The following ACAD11 variants were observed in gnomAD, a reference collection of about 807,000 sequenced individuals.
ACAD11 encodes the protein acyl-Coenzyme A dehydrogenase family, member 11.
A neutral mutation model predicts 102.2 loss-of-function variants in ACAD11; 83 were observed. The observed-to-expected ratio is 0.81, with a 90% CI of 0.68 to 0.97. ACAD11 has a LOEUF of 0.97. Ranked by LOEUF, ACAD11 falls within the 50% of genes least tolerant of loss-of-function variation. The probability of loss-of-function intolerance (pLI) is 0.00; values close to 1 mark genes in which losing one functional copy is unlikely to be tolerated. For missense variants in ACAD11, 901 were observed against 951.7 expected (o/e 0.95, Z 0.70); for synonymous variants, 324 against 319.8 (o/e 1.01, Z -0.14).
At chr3:132,639,377 C>T in intron 5 of ACAD11, 115 bp downstream of exon 5, 1 of 1,004,756 alleles carries the variant, frequency 1.0e-6, no homozygotes, top group Non-Finnish European at 1.4e-6. Context: ...CAGTCCTGAG[C>T]TGTAGGGGAA....
chr3:132,584,607 G>T (rs1035661751), intron 13 of ACAD11, among the ~76,000 whole-genome samples: 1 of 152,164 alleles, frequency 6.6e-6, no homozygotes, highest in Non-Finnish European at 1.5e-5. Flanking sequence ...TCATTATGAT[G>T]TTAGCTGGTT....
At chr3:132,579,582 A>C (rs1485502137) in intron 13 of ACAD11, 24 bp from the exon 14 acceptor site, 1 of 1,600,758 alleles carries the variant, frequency 6.2e-7, no homozygotes, top group South Asian at 1.1e-5. Flanking sequence ...GAACACAAGC[A>C]GATTATAAAA....
At chr3:132,620,340 T>G (rs897853400) in intron 9 of ACAD11, 1 of 152,200 alleles carries the variant, frequency 6.6e-6, no homozygotes, top group African/African-American at 2.4e-5. Context: ...AGCCAAAATT[T>G]AAGTTTACAG....
At chr3:132,620,921 T>G (rs1454667411) in intron 9 of ACAD11, among the ~76,000 whole-genome samples, 1 of 152,170 alleles carries the variant, frequency 6.6e-6, no homozygotes, top group Non-Finnish European at 1.5e-5. Context: ...CTGTGGATGT[T>G]GAAAAATAGA....
intron 8 of ACAD11, 113 bp from the exon 9 acceptor site, chr3:132,626,930 A>G (rs2107859640): frequency 3.0e-6 from 3 of 984,256 alleles, no homozygotes; most frequent in Non-Finnish European, 4.3e-6. Flanking sequence ...ATCCCCCAGA[A>G]GGAGTAGCTG....
In ACAD11 at chr3:132,642,591, C is replaced by A. The variant is rs1221392972; in HGVS notation, c.375+86G>T. 1.1e-5 allele frequency: 15 copies of A among 1,319,636 alleles called. No individual in the cohort carries two copies. The South Asian group carries it at 1.9e-4, about 17-fold the overall frequency. 81.7% of individuals were successfully genotyped at this position (1,319,636 alleles called of 1,614,324 possible). ...TAAAATGTTAAATAACAAACTATAT[C>A]ATTTATTAAGTATCATAATAAAACA... On this transcript the variant is annotated intron_variant, in intron 3 of 19. Transcript: ENST00000264990.
At chr3:132,645,262 G>T (rs1258148865) in intron 1 of ACAD11, among the ~76,000 whole-genome samples, 1 of 152,220 alleles carries the variant, frequency 6.6e-6, no homozygotes, top group East Asian at 1.9e-4. Flanking sequence ...TTATCAGTCA[G>T]AAAATGAATT....
intron 13 of ACAD11, among the ~76,000 whole-genome samples, chr3:132,594,052 G>C (rs1938196354): frequency 6.6e-6 from 1 of 152,136 alleles, no homozygotes; most frequent in African/African-American, 2.4e-5. Flanking sequence ...TACAGGAAAA[G>C]GCCAGCCAGT....
chr3:132,587,661 G>A (rs1207968084), intron 13 of ACAD11, among the ~76,000 whole-genome samples: 3 of 152,084 alleles, frequency 2.0e-5, no homozygotes, highest in Non-Finnish European at 4.4e-5. Flanking sequence ...ATTTTAGATT[G>A]TATTCCGGAC....
chr3:132,611,415 G>C (rs1198618562), intron 11 of ACAD11, among the ~76,000 whole-genome samples: 1 of 152,086 alleles, frequency 6.6e-6, no homozygotes, highest in African/African-American at 2.4e-5. Flanking sequence ...ATTCAATTAG[G>C]AAAAGAGGAA....
At chr3:132,646,177 C>T (rs547187000) in intron 1 of ACAD11, among the ~76,000 whole-genome samples, 4 of 152,258 alleles carry the variant, frequency 2.6e-5, no homozygotes, top group South Asian at 4.1e-4. Context: ...GGGGTTTCAC[C>T]GTGGTCTCGA....
chr3:132,627,390 A>G (rs1460488857), intron 8 of ACAD11, among the ~76,000 whole-genome samples: 1 of 152,176 alleles, frequency 6.6e-6, no homozygotes. Flanking sequence ...TGAACTAAGG[A>G]GCAAAAAATC....
chr3:132,568,186 A>C (rs28607463), intron 17 of ACAD11, among the ~76,000 whole-genome samples: 35,737 of 152,012 alleles, frequency 0.24, 5,716 homozygotes, highest in East Asian at 0.61. Flanking sequence ...AAGATCATGC[A>C]ATTACACTCC....
rs192840973 is a variant in ACAD11 at position 132,569,360 on chromosome 3, C to T, written c.2001+6412G>A. Among the ~76,000 whole-genome samples the T allele has an allele frequency of 1.4e-3, 220 of 152,134 alleles. 2 individuals carry two copies. The highest frequency in any genetic ancestry group is 4.6e-3 in the African/African-American group (193 of 41,524). ...ATATGCTGGAGGGGATGTGGAGAAACTGAATCACTCATACACAGTTAGTGA... is the reference window on the plus strand; with the variant it reads ...ATATGCTGGAGGGGATGTGGAGAAATTGAATCACTCATACACAGTTAGTGA... On this transcript the variant is annotated intron_variant, in intron 17 of 19. Transcript: ENST00000264990.
intron 13 of ACAD11, among the ~76,000 whole-genome samples, chr3:132,587,950 T>A (rs990680566): frequency 2.0e-5 from 3 of 152,168 alleles, no homozygotes; most frequent in Non-Finnish European, 2.9e-5. Flanking sequence ...CTTTTTCCTT[T>A]CCAGGAATAC....
intron 5 of ACAD11, among the ~76,000 whole-genome samples, chr3:132,633,585 T>A (rs1397707349): frequency 1.3e-5 from 2 of 152,190 alleles, no homozygotes; most frequent in African/African-American, 4.8e-5. Context: ...GATGCTGGCC[T>A]CATAAAATGA....
At chr3:132,602,904 G>A (rs887606940) in intron 13 of ACAD11, among the ~76,000 whole-genome samples, 1 of 152,148 alleles carries the variant, frequency 6.6e-6, no homozygotes, top group African/African-American at 2.4e-5. Context: ...CCGGGGTCAA[G>A]CAAATCTCCT....
intron 13 of ACAD11, among the ~76,000 whole-genome samples, chr3:132,599,919 T>C (rs1184423863): frequency 6.6e-6 from 1 of 152,112 alleles, no homozygotes; most frequent in African/African-American, 2.4e-5. Context: ...AAAAAATAAA[T>C]TTAATTTAAA....
chr3:132,587,007 T>C (rs889821588), intron 13 of ACAD11, among the ~76,000 whole-genome samples: 1 of 152,018 alleles, frequency 6.6e-6, no homozygotes, highest in African/African-American at 2.4e-5. Flanking sequence ...GGCAGGAGAA[T>C]TGCCTGAACC....
Sources: gnomAD v4.1 joint callset for allele counts (sites outside exome capture counted in the v4.1 genomes callset) on GRCh38, gnomAD v4.1.1 for gene constraint, MANE v1.5 for transcripts, NCBI Gene and HGNC (gene_info 2026-07-23, HGNC 2026-07-21) for gene names.